The following NALF1 variants were observed in gnomAD, a reference collection of about 807,000 sequenced individuals.
NALF1 encodes family with sequence similarity 155 member A.
In NALF1, 3 loss-of-function variants were observed where a neutral mutation model predicts 48.4. That is an observed-to-expected ratio of 0.06 (90% CI 0.03 to 0.16). The LOEUF (loss-of-function observed/expected upper bound fraction) is 0.16. Ranked by LOEUF, NALF1 falls within the 10% of genes least tolerant of loss-of-function variation. NALF1 has a pLI of 1.00. For missense variants in NALF1, 526 were observed against 571.5 expected, an observed-to-expected ratio of 0.92 and a Z score of 0.81; for synonymous variants, 262 against 245.7, an observed-to-expected ratio of 1.07 and a Z score of -0.62.
chr13:107,463,106 A>T (rs1194262993), intron 1 of NALF1, among the ~76,000 whole-genome samples: 1 of 152,200 alleles, frequency 6.6e-6, no homozygotes, highest in African/African-American at 2.4e-5. Flanking sequence ...AGAGGAAAAG[A>T]ACAGTACTTT....
rs1878664056 is a variant in NALF1, at chr13:107,166,587, T to A, written c.*3910A>T. The A allele has an allele frequency of 1.3e-5, 2 of 152,208 alleles. No homozygotes were observed. The allele number at this position is 152,208 out of a possible 1,614,324, so 9.4% of individuals were successfully genotyped here. ...GAATGTAAATCATGCTTCAGACTGG[T>A]TAACGTTTTTGATGTTGTTCAGATA... On this transcript the variant is annotated 3_prime_UTR_variant, in exon 3 of 3. Coordinates refer to ENST00000375915, the MANE Select transcript of NALF1 (RefSeq NM_001080396.3).
At chr13:107,240,018 T>C (rs1381126582) in intron 1 of NALF1, among the ~76,000 whole-genome samples, 1 of 152,168 alleles carries the variant, frequency 6.6e-6, no homozygotes, top group Non-Finnish European at 1.5e-5. Flanking sequence ...AAAGTTAATT[T>C]CTGTTGGTAG....
chr13:107,331,865 T>C (rs762668753), intron 1 of NALF1, among the ~76,000 whole-genome samples: 1 of 152,154 alleles, frequency 6.6e-6, no homozygotes, highest in South Asian at 2.1e-4. Context: ...TATAATTTTA[T>C]ATATCCTAAA....
rs1269256002 is a variant in NALF1 at position 107,187,870 on chromosome 13, A to G, written c.1088-17084T>C. The stretch of plus-strand genomic sequence containing the variant: ...ATACTTTTTTATTTTTATTTTTTAA[A>G]GTATCAATTCAGTTCTATTAGGTTG... On this transcript the variant is annotated intron_variant, in intron 2 of 2. Coordinates refer to ENST00000375915, the MANE Select transcript of NALF1 (RefSeq NM_001080396.3). Among the ~76,000 whole-genome samples the G allele has an allele frequency of 2.0e-5, 3 of 152,100 alleles. No homozygotes were observed. The East Asian group carries it at 5.8e-4, about 29-fold the overall frequency.
At chr13:107,528,191 C>T (rs1479852682) in intron 1 of NALF1, among the ~76,000 whole-genome samples, 1 of 151,756 alleles carries the variant, frequency 6.6e-6, no homozygotes, top group African/African-American at 2.4e-5. Flanking sequence ...TTGGTAATAG[C>T]AATTTTTAAA....
chr13:107,824,652 C>T (rs886957874), intron 1 of NALF1, among the ~76,000 whole-genome samples: 23 of 152,318 alleles, frequency 1.5e-4, no homozygotes, highest in African/African-American at 5.1e-4. Flanking sequence ...GGTCTCTCAG[C>T]TCCATTATGC....
chr13:107,427,186 A>C (rs9520439), intron 1 of NALF1, among the ~76,000 whole-genome samples: 22,043 of 151,628 alleles, frequency 0.15, 1,964 homozygotes, highest in South Asian at 0.23. Context: ...CACAGAAATT[A>C]AGTAGTTAAA....
chr13:107,267,649 T>C (rs544288525), intron 1 of NALF1, among the ~76,000 whole-genome samples: 1 of 152,348 alleles, frequency 6.6e-6, no homozygotes, highest in East Asian at 1.9e-4. Flanking sequence ...TTTCTTCTTG[T>C]ACACACATAC....
intron 1 of NALF1, among the ~76,000 whole-genome samples, chr13:107,740,310 C>T (rs1166920132): frequency 1.3e-5 from 2 of 152,046 alleles, no homozygotes; most frequent in Non-Finnish European, 2.9e-5. Context: ...CACCTTATTA[C>T]AAACAGAAAC....
chr13:107,753,163 C>T (rs1328728139), intron 1 of NALF1, among the ~76,000 whole-genome samples: 2 of 152,176 alleles, frequency 1.3e-5, no homozygotes, highest in Non-Finnish European at 2.9e-5. Flanking sequence ...TGGCCATCTG[C>T]CCTTTGCTTT....
chr13:107,675,971 G>C (rs1374885629), intron 1 of NALF1, among the ~76,000 whole-genome samples: 7 of 152,132 alleles, frequency 4.6e-5, no homozygotes, highest in Admixed American at 4.6e-4. Flanking sequence ...ATCGGAAACT[G>C]TCAGCCACAA....
At chr13:107,662,036 G>C (rs993657265) in intron 1 of NALF1, among the ~76,000 whole-genome samples, 1 of 152,090 alleles carries the variant, frequency 6.6e-6, no homozygotes, top group Non-Finnish European at 1.5e-5. Context: ...AATCTTCCTA[G>C]ATTAAAAGAA....
chr13:107,836,236 C>A (rs562987170), intron 1 of NALF1, among the ~76,000 whole-genome samples: 1 of 152,102 alleles, frequency 6.6e-6, no homozygotes, highest in East Asian at 1.9e-4. Context: ...AGCAATCTGC[C>A]CCCCTTGGCA....
At chr13:107,492,300 C>T (rs1052303011) in intron 1 of NALF1, among the ~76,000 whole-genome samples, 16 of 151,960 alleles carry the variant, frequency 1.1e-4, no homozygotes, top group Non-Finnish European at 1.9e-4. Flanking sequence ...CAGCCCGCTT[C>T]GGCCTTCCAA....
chr13:107,750,586 A>G (rs1876910286), intron 1 of NALF1, among the ~76,000 whole-genome samples: 1 of 152,050 alleles, frequency 6.6e-6, no homozygotes, highest in Non-Finnish European at 1.5e-5. Context: ...TAACATGAAA[A>G]AAAAAAAGAA....
chr13:107,640,608 C>T (rs1409634989), intron 1 of NALF1, among the ~76,000 whole-genome samples: 4 of 152,130 alleles, frequency 2.6e-5, no homozygotes, highest in Non-Finnish European at 5.9e-5. Flanking sequence ...TTTCATCCAT[C>T]ACTCCATGGA....
chr13:107,290,189 A>AC (rs1566475936), intron 1 of NALF1, among the ~76,000 whole-genome samples: 30 of 65,704 alleles, frequency 4.6e-4, no homozygotes, highest in Non-Finnish European at 6.8e-4. Flanking sequence ...AAAAAAAACA[A>AC]AAAAAAAAAC....
At chr13:107,834,795 A>G (rs1319174586) in intron 1 of NALF1, among the ~76,000 whole-genome samples, 2 of 152,226 alleles carry the variant, frequency 1.3e-5, no homozygotes, top group African/African-American at 2.4e-5. Flanking sequence ...AACATTGTTC[A>G]TCTGTAGCAT....
chr13:107,496,068 T>C (rs545323507), intron 1 of NALF1, among the ~76,000 whole-genome samples: 3 of 152,136 alleles, frequency 2.0e-5, no homozygotes, highest in Non-Finnish European at 4.4e-5. Context: ...TCTGGTAATA[T>C]ATATTACCAG....
Sources: gnomAD v4.1 joint callset for allele counts (sites outside exome capture counted in the v4.1 genomes callset) on GRCh38, gnomAD v4.1.1 for gene constraint, MANE v1.5 for transcripts, NCBI Gene and HGNC (gene_info 2026-07-23, HGNC 2026-07-21) for gene names.